The following RBMS1 variants were observed in gnomAD, a reference collection of about 807,000 sequenced individuals.
RBMS1 encodes RNA-binding motif, single-stranded-interacting protein 1.
In RBMS1, 17 loss-of-function variants were observed where a neutral mutation model predicts 62.3. That is an observed-to-expected ratio of 0.27 (90% CI 0.19 to 0.41). The LOEUF (loss-of-function observed/expected upper bound fraction) is 0.41, where lower values mean the gene tolerates loss of function less well. RBMS1 is among the 10% of genes least tolerant of loss of function. RBMS1 has a pLI of 1.00. For synonymous variants in RBMS1, 172 were observed against 170.0 expected (o/e 1.01, Z -0.09); for missense variants, 334 against 504.5 (o/e 0.66, Z 3.24).
At chr2:160,455,204 T>C (rs1684168511) in intron 1 of RBMS1, among the ~76,000 whole-genome samples, 1 of 152,254 alleles carries the variant, frequency 6.6e-6, no homozygotes, top group Non-Finnish European at 1.5e-5. Context: ...TTTACTTCAG[T>C]TGAAAACCTG....
Position 160,285,802 on chromosome 2 carries a change from C to T in RBMS1, c.757-758G>A, listed in dbSNP as rs150468685. ...CTAGCCTGGGCAACATAGTTAGATC[C>T]TATCTCTATAAAAATTTTAAAAAAT... On this transcript the variant is annotated intron_variant, in intron 7 of 13. Transcript: ENST00000348849. Among the ~76,000 whole-genome samples the T allele has an allele frequency of 2.1e-3, 312 of 151,698 alleles. 4 individuals are homozygous for T. Among genetic ancestry groups the T allele is most frequent in the African/African-American group, 7.0e-3 (291 of 41,372 alleles).
At chr2:160,347,261 A>C (rs1692238888) in intron 2 of RBMS1, among the ~76,000 whole-genome samples, 1 of 152,148 alleles carries the variant, frequency 6.6e-6, no homozygotes, top group South Asian at 2.1e-4. Flanking sequence ...CAAATGGTTT[A>C]AAGTTTCAGT....
intron 2 of RBMS1, among the ~76,000 whole-genome samples, chr2:160,327,787 A>G (rs1287559459): frequency 3.5e-4 from 54 of 152,322 alleles, no homozygotes; most frequent in African/African-American, 4.8e-5. Context: ...AGTAAAATGT[A>G]TATTATCTAT....
intron 1 of RBMS1, among the ~76,000 whole-genome samples, chr2:160,486,862 A>G (rs554989959): frequency 1.2e-4 from 18 of 152,354 alleles, no homozygotes; most frequent in African/African-American, 3.8e-4. Context: ...CTTTGCCGGA[A>G]GCAAAGCTAA....
chr2:160,293,846 G>C (rs996824435), intron 6 of RBMS1, among the ~76,000 whole-genome samples: 6 of 152,304 alleles, frequency 3.9e-5, no homozygotes, highest in African/African-American at 1.4e-4. Context: ...ACTGAATCAT[G>C]ATCATGTGTT....
At chr2:160,396,824 A>C (rs866059756) in intron 1 of RBMS1, among the ~76,000 whole-genome samples, 1 of 151,936 alleles carries the variant, frequency 6.6e-6, no homozygotes, top group Non-Finnish European at 1.5e-5. Flanking sequence ...CGGACTCCCA[A>C]AGTGCTGGGA....
At chr2:160,424,573 T>C (rs1288364658) in intron 1 of RBMS1, among the ~76,000 whole-genome samples, 2 of 152,196 alleles carry the variant, frequency 1.3e-5, no homozygotes, top group Non-Finnish European at 2.9e-5. Flanking sequence ...CTTCTGGATG[T>C]TCATGCTATA....
At chr2:160,282,637 G>T in intron 9 of RBMS1, 1 of 163,286 alleles carries the variant, frequency 6.1e-6, no homozygotes. Flanking sequence ...TTCTTAAGCA[G>T]CAAATCAGCT....
chr2:160,459,902 C>G (rs565446056), intron 1 of RBMS1, among the ~76,000 whole-genome samples: 1 of 152,342 alleles, frequency 6.6e-6, no homozygotes, highest in African/African-American at 2.4e-5. Context: ...GGAACTTCCT[C>G]TAAACACCAC....
At chr2:160,278,769 A>C (rs1213280711) in intron 10 of RBMS1, 111 bp from the exon 11 acceptor site, 1 of 665,048 alleles carries the variant, frequency 1.5e-6, no homozygotes, top group Non-Finnish European at 2.6e-6. Context: ...TGTGAAGCAA[A>C]AACAACCTTC....
At chr2:160,423,601 C>T (rs1696521995) in intron 1 of RBMS1, among the ~76,000 whole-genome samples, 1 of 152,190 alleles carries the variant, frequency 6.6e-6, no homozygotes, top group Admixed American at 6.5e-5. Flanking sequence ...TCCAAGTTGT[C>T]TACTCTTTTG....
At chr2:160,280,039 T>C (rs1269030343) in intron 10 of RBMS1, among the ~76,000 whole-genome samples, 1 of 152,210 alleles carries the variant, frequency 6.6e-6, no homozygotes, top group Non-Finnish European at 1.5e-5. Flanking sequence ...AAGCAAGTGG[T>C]AACACGGAAA....
chr2:160,426,962 A>C (rs1385591056), intron 1 of RBMS1, among the ~76,000 whole-genome samples: 1 of 152,220 alleles, frequency 6.6e-6, no homozygotes, highest in Non-Finnish European at 1.5e-5. Flanking sequence ...TTACCAAAGT[A>C]AGGCCGGAAA....
chr2:160,330,168 T>TA (rs1033235494), intron 2 of RBMS1, among the ~76,000 whole-genome samples: 4 of 152,142 alleles, frequency 2.6e-5, no homozygotes, highest in Admixed American at 6.6e-5. Flanking sequence ...TTGAGTTAAA[T>TA]AAAAAAATCA....
intron 1 of RBMS1, among the ~76,000 whole-genome samples, chr2:160,486,066 C>T (rs1337192698): frequency 1.3e-5 from 2 of 151,944 alleles, no homozygotes; most frequent in East Asian, 1.9e-4. Context: ...TTATCTGAGA[C>T]CTTATTATAT....
At chr2:160,413,816 A>G (rs951687608) in intron 1 of RBMS1, among the ~76,000 whole-genome samples, 7 of 152,234 alleles carry the variant, frequency 4.6e-5, no homozygotes, top group Non-Finnish European at 7.3e-5. Flanking sequence ...AAGAATGACT[A>G]TCCCATTTTA....
chr2:160,397,018 C>G lies in RBMS1; in HGVS notation c.76-29627G>C, dbSNP rs1695184055. ...TTTCACGTTTCCTTAGCCTTTGGAA[C>G]AGTGCTCTCAATTTTCAGAGCATAC... On this transcript the variant is annotated intron_variant, in intron 1 of 13. Transcript: ENST00000348849. 2.6e-5 allele frequency among the ~76,000 whole-genome samples: 4 copies of G among 152,132 alleles called. No individual in the cohort carries two copies. In the South Asian group the frequency reaches 6.2e-4, roughly 24 times the overall value.
At chr2:160,324,882 GTATATATATA>G (rs201492090) in intron 2 of RBMS1, among the ~76,000 whole-genome samples, 7,641 of 99,860 alleles carry the variant, frequency 0.077, 409 homozygotes, top group South Asian at 0.2. Flanking sequence ...GTGTGTGTGT[GTATATATATA>G]TATATATATA....
chr2:160,465,378 G>A (rs913874223), intron 1 of RBMS1, among the ~76,000 whole-genome samples: 1 of 152,152 alleles, frequency 6.6e-6, no homozygotes, highest in African/African-American at 2.4e-5. Context: ...CGATATTGTT[G>A]GCTAACTCTA....
Sources: gnomAD v4.1 joint callset for allele counts (sites outside exome capture counted in the v4.1 genomes callset) on GRCh38, gnomAD v4.1.1 for gene constraint, MANE v1.5 for transcripts, NCBI Gene and HGNC (gene_info 2026-07-23, HGNC 2026-07-21) for gene names.